RGS6: variants seen among roughly 807,000 people sequenced by gnomAD.
RGS6 encodes regulator of G-protein signaling 6.
RGS6 carries 30 observed loss-of-function variants against 78.5 expected under a neutral mutation model. The observed-to-expected ratio is 0.38, with a 90% confidence interval of 0.29 to 0.52. The LOEUF (loss-of-function observed/expected upper bound fraction) is 0.52. Among genes scored for constraint, RGS6 ranks in the 20% least tolerant of loss-of-function variants. The pLI is 0.85. For synonymous variants in RGS6, 206 were observed against 206.0 expected, an observed-to-expected ratio of 1.00 and a Z score of 0.00; for missense variants, 495 against 609.7, an observed-to-expected ratio of 0.81 and a Z score of 1.98.
chr14:72,536,038 G>T, intron 15 of RGS6, 148 bp from the exon 16 acceptor site: 1 of 630,958 alleles, frequency 1.6e-6, no homozygotes, highest in East Asian at 2.8e-5. Flanking sequence ...GTGTGGGGAT[G>T]GAACATGTTG....
At chr14:72,543,323 G>A (rs751282828) in intron 17 of RGS6, among the ~76,000 whole-genome samples, 42 of 152,096 alleles carry the variant, frequency 2.8e-4, no homozygotes, top group African/African-American at 8.2e-4. Context: ...AATAACCCAC[G>A]CCACTGTACA....
chr14:72,620,039 A>G, the RGS6 span: 6 of 1,461,158 alleles, frequency 4.1e-6, no homozygotes, highest in South Asian at 5.4e-5. Flanking sequence ...TTCGGGGCCA[A>G]TGTCTGGCCC....
chr14:72,303,796 T>C (rs954824238), intron 2 of RGS6, among the ~76,000 whole-genome samples: 1 of 152,150 alleles, frequency 6.6e-6, no homozygotes, highest in East Asian at 1.9e-4. Context: ...ATATGCTACT[T>C]TCATCTAAAA....
At chr14:72,285,296 G>A (rs548549121) in intron 2 of RGS6, among the ~76,000 whole-genome samples, 9 of 152,244 alleles carry the variant, frequency 5.9e-5, no homozygotes, top group South Asian at 4.2e-4. Context: ...TGTAGCTCCC[G>A]TAGTTCCCAC....
intron 2 of RGS6, among the ~76,000 whole-genome samples, chr14:72,261,343 G>A (rs529477354): frequency 3.9e-5 from 6 of 152,258 alleles, no homozygotes; most frequent in African/African-American, 1.4e-4. Context: ...AGAGGAGGAG[G>A]GTAAAAGGAA....
chr14:72,177,604 T>G (rs1368633149), intron 2 of RGS6, among the ~76,000 whole-genome samples: 1 of 152,198 alleles, frequency 6.6e-6, no homozygotes, highest in Non-Finnish European at 1.5e-5. Flanking sequence ...AGATTTTTGG[T>G]CTGCTTTCTA....
intron 2 of RGS6, among the ~76,000 whole-genome samples, chr14:72,264,063 TTCATA>T (rs2058627573): frequency 1.3e-5 from 2 of 152,172 alleles, no homozygotes; most frequent in Non-Finnish European, 2.9e-5. Flanking sequence ...CACGTGAACA[TTCATA>T]CTACGTAGGA....
chr14:72,524,908 T>C (rs75864844), intron 15 of RGS6, among the ~76,000 whole-genome samples: 5,036 of 152,288 alleles, frequency 0.033, 290 homozygotes, highest in African/African-American at 0.11. Context: ...CCTTGCAGTT[T>C]CCCACCTCAC....
the RGS6 span, among the ~76,000 whole-genome samples, chr14:71,879,391 T>C: frequency 6.6e-6 from 1 of 152,164 alleles, no homozygotes; most frequent in Non-Finnish European, 1.5e-5. Flanking sequence ...TCTGAACAAC[T>C]ATAATATGAG....
the RGS6 span, among the ~76,000 whole-genome samples, chr14:72,626,960 T>A: frequency 2.0e-4 from 30 of 152,124 alleles, no homozygotes; most frequent in African/African-American, 6.5e-4. Flanking sequence ...GGGTCATTTT[T>A]ATATCTTTTG....
the RGS6 span, among the ~76,000 whole-genome samples, chr14:71,886,201 A>C: frequency 6.6e-6 from 1 of 152,190 alleles, no homozygotes; most frequent in Admixed American, 6.5e-5. Context: ...TTCAGCCTAA[A>C]TATTGCCTTT....
intron 2 of RGS6, among the ~76,000 whole-genome samples, chr14:72,082,621 G>T (rs1017669019): frequency 2.6e-5 from 4 of 152,094 alleles, no homozygotes; most frequent in African/African-American, 9.6e-5. Context: ...GAATCATCAT[G>T]TTGTACCCCA....
At chr14:72,128,361 T>C (rs575998868) in intron 2 of RGS6, among the ~76,000 whole-genome samples, 8 of 152,216 alleles carry the variant, frequency 5.3e-5, no homozygotes, top group Non-Finnish European at 8.8e-5. Context: ...CAAACTTAAG[T>C]AAATTATTGG....
intron 3 of RGS6, among the ~76,000 whole-genome samples, chr14:72,436,947 C>T (rs2094941416): frequency 6.6e-6 from 1 of 152,120 alleles, no homozygotes; most frequent in African/African-American, 2.4e-5. Flanking sequence ...TAAGAACCCT[C>T]ACTGCATTAA....
At chr14:72,255,702 A>G (rs1445415980) in intron 2 of RGS6, among the ~76,000 whole-genome samples, 1 of 152,200 alleles carries the variant, frequency 6.6e-6, no homozygotes, top group African/African-American at 2.4e-5. Flanking sequence ...ATTGCTAAAA[A>G]TTGCATACCT....
At chr14:72,017,625 T>G (rs942860686) in intron 2 of RGS6, among the ~76,000 whole-genome samples, 1 of 152,188 alleles carries the variant, frequency 6.6e-6, no homozygotes. Flanking sequence ...TTTGCCTATC[T>G]TCACAAAACA....
intron 2 of RGS6, among the ~76,000 whole-genome samples, chr14:72,087,420 C>T (rs758375084): frequency 2.2e-4 from 34 of 152,014 alleles, no homozygotes; most frequent in Non-Finnish European, 3.7e-4. Flanking sequence ...TATGAGCCAC[C>T]GCACCTGGCC....
In RGS6 at chr14:72,508,562, C is replaced by CTTTTTTTTT. The variant is rs61097187; in HGVS notation, c.966-1569_966-1561dup. On this transcript the variant is annotated intron_variant, in intron 13 of 17. Coordinates refer to ENST00000553525, the MANE Select transcript of RGS6 (RefSeq NM_001204424.2). ...CCAAGCTTTCCACGCACACAAGCTC[C>CTTTTTTTTT]TTTTTTTTTTTTTTTTTTTTTTTTT... 2.3e-3 allele frequency among the ~76,000 whole-genome samples: 130 copies of CTTTTTTTTT among 56,468 alleles called. 7 individuals carry two copies. Among genetic ancestry groups the CTTTTTTTTT allele is most frequent in the Middle Eastern group, 0.013 (1 of 76 alleles). The allele number at this position is 56,468 out of a possible 152,430, so 37.0% of individuals were successfully genotyped here.
At chr14:72,345,153 C>A (rs2077773684) in intron 2 of RGS6, among the ~76,000 whole-genome samples, 1 of 152,088 alleles carries the variant, frequency 6.6e-6, no homozygotes, top group Non-Finnish European at 1.5e-5. Flanking sequence ...GCAGCTGTTC[C>A]CCCTCCCCCT....
Sources: allele counts gnomAD v4.1 joint callset (sites outside exome capture counted in the v4.1 genomes callset), GRCh38; gene constraint gnomAD v4.1.1; transcripts MANE v1.5; gene names NCBI Gene and HGNC (gene_info 2026-07-23, HGNC 2026-07-21).